MNS1: variants seen among roughly 807,000 people sequenced by gnomAD.
MNS1 encodes the protein meiosis specific nuclear structural 1, also known as meiosis-specific nuclear structural protein 1.
A neutral mutation model predicts 72.0 loss-of-function variants in MNS1; 63 were observed. That is an observed-to-expected ratio of 0.87 (90% confidence interval 0.71 to 1.08). The LOEUF (loss-of-function observed/expected upper bound fraction) is 1.08. Ranked by LOEUF, MNS1 falls within the 50% of genes least tolerant of loss-of-function variation. The pLI is 0.00. For synonymous variants in MNS1, 188 were observed against 172.1 expected (o/e 1.09, Z -0.72); for missense variants, 604 against 562.4 (o/e 1.07, Z -0.75).
chr15:56,431,065 G>A (rs1274933524), intron 9 of MNS1, among the ~76,000 whole-genome samples: 2 of 152,188 alleles, frequency 1.3e-5, no homozygotes, highest in African/African-American at 4.8e-5. Flanking sequence ...GGAGGCTGAA[G>A]CAGGAGAATC....
chr15:56,431,968 C>CTCTT (rs2050609917), intron 8 of MNS1, among the ~76,000 whole-genome samples: 1 of 152,044 alleles, frequency 6.6e-6, no homozygotes, highest in African/African-American at 2.4e-5. Flanking sequence ...AAAGTGCTCA[C>CTCTT]TCTTAAATAA....
At chr15:56,458,770 T>C (rs1203240843) in intron 2 of MNS1, among the ~76,000 whole-genome samples, 1 of 152,102 alleles carries the variant, frequency 6.6e-6, no homozygotes, top group African/African-American at 2.4e-5. Flanking sequence ...TCCACATCTT[T>C]TCATGGCTTC....
rs1301768565 is a variant in MNS1 at position 56,460,008 on chromosome 15, A to AT, written c.226-3488_226-3487insA. 1.2e-3 allele frequency among the ~76,000 whole-genome samples: 69 copies of AT among 55,780 alleles called. 3 individuals carry two copies. The highest frequency in any genetic ancestry group is 5.0e-3 in the East Asian group (7 of 1,404). The allele number at this position is 55,780 out of a possible 152,430, so 36.6% of individuals were successfully genotyped here. On this transcript the variant is annotated intron_variant, in intron 2 of 9. Coordinates refer to ENST00000260453, the MANE Select transcript of MNS1 (RefSeq NM_018365.4). Reference sequence around the variant, plus strand: ...TCTGTCTCAAAAAAAAAAAAAAAAAAAATACATATATATATATATATATAT... The same window carrying AT: ...TCTGTCTCAAAAAAAAAAAAAAAAAATAATACATATATATATATATATATAT...
At position 56,434,157 on chromosome 15, in the gene MNS1, T is replaced by C. The variant is rs944421342; in HGVS notation, c.1250A>G (p.Gln417Arg). Residue 417 changes from glutamine (Q) to arginine (R), a missense_variant, in exon 8 of 10, where the codon CAA (glutamine) becomes CGA (arginine). Transcript: ENST00000260453. ...AVEKLIEERR[Q>R]QFLADKQREL... ...TCTTACTTTGTCTGCAAGGAATTGT[T>C]GGCGACGCTCTTCAATAAGTTTTTC... is the stretch of plus-strand genomic sequence containing the variant. 1.1e-5 allele frequency: 17 copies of C among 1,612,040 alleles called. No individual in the cohort carries two copies. Among genetic ancestry groups the C allele is most frequent in the Non-Finnish European group, 1.4e-5 (17 of 1,179,360 alleles).
chr15:56,429,101 T>A lies in MNS1; in HGVS notation c.1488A>T (p.Ter496CysextTer16). The part of the protein sequence containing the change: ...QQRSEICEEK[*>C] Reference sequence around the variant, plus strand: ...TATGCTTTACCCAATTTTGATGATATCATTTCTCTTCACAAATTTCACTCC... The same window carrying A: ...TATGCTTTACCCAATTTTGATGATAACATTTCTCTTCACAAATTTCACTCC... The change falls in exon 10 of 10, where the codon TGA becomes TGT. Residue 496 changes from the stop codon to cysteine, a stop_lost. Transcript: ENST00000260453. The A allele has an allele frequency of 6.3e-7, 1 of 1,577,388 alleles. No individual in the cohort carries two copies. The highest frequency in any genetic ancestry group is 8.6e-7 in the Non-Finnish European group (1 of 1,157,104).
intron 3 of MNS1, among the ~76,000 whole-genome samples, chr15:56,453,873 G>A (rs905469268): frequency 9.2e-5 from 14 of 151,914 alleles, no homozygotes; most frequent in Admixed American, 7.9e-4. Flanking sequence ...TAAATGTGCC[G>A]TGCATTTAAA....
At chr15:56,459,650 G>C (rs1317737554) in intron 2 of MNS1, among the ~76,000 whole-genome samples, 1 of 152,028 alleles carries the variant, frequency 6.6e-6, no homozygotes, top group Non-Finnish European at 1.5e-5. Flanking sequence ...AGCAAAAAGT[G>C]AAGAATTCTT....
At position 56,460,009 on chromosome 15, in the gene MNS1, A is replaced by AAAAAATAT; in HGVS notation, c.226-3489_226-3488insATATTTTT. ...CTGTCTCAAAAAAAAAAAAAAAAAA[A>AAAAAATAT]ATACATATATATATATATATATATA... On this transcript the variant is annotated intron_variant, in intron 2 of 9. Coordinates refer to ENST00000260453, the MANE Select transcript of MNS1 (RefSeq NM_018365.4). Among the ~76,000 whole-genome samples, 17 of 26,386 alleles carry AAAAAATAT rather than the reference A, an allele frequency of 6.4e-4. 2 individuals are homozygous for AAAAAATAT. The highest frequency in any genetic ancestry group is 2.3e-3 in the East Asian group (2 of 874). 17.3% of individuals were successfully genotyped at this position (26,386 alleles called of 152,430 possible). A position where few individuals can be genotyped will look rare whatever the true frequency, so the allele number is the denominator to read the frequency against.
intron 3 of MNS1, among the ~76,000 whole-genome samples, chr15:56,451,502 G>A (rs1187636759): frequency 1.3e-5 from 2 of 152,104 alleles, no homozygotes; most frequent in African/African-American, 4.8e-5. Context: ...GTTTGTAGTC[G>A]GGGGATGGGC....
chr15:56,434,528 A>C (rs1481003573), intron 7 of MNS1, 133 bp from the exon 8 acceptor site: 1 of 974,262 alleles, frequency 1.0e-6, no homozygotes, highest in Non-Finnish European at 1.5e-6. Flanking sequence ...AAGGCTTTTC[A>C]TGATAACTTT....
chr15:56,463,801 G>A, intron 2 of MNS1: 2 of 456,070 alleles, frequency 4.4e-6, no homozygotes, highest in Non-Finnish European at 7.7e-6. Context: ...AAAAGTAAAA[G>A]CAACTTACTC....
chr15:56,451,596 A>G (rs1057155078), intron 3 of MNS1, among the ~76,000 whole-genome samples: 6 of 152,056 alleles, frequency 3.9e-5, no homozygotes, highest in Non-Finnish European at 8.8e-5. Flanking sequence ...AGTATGTGGT[A>G]TTTTCATTAT....
chr15:56,435,145 G>T (rs1195629163), intron 7 of MNS1, among the ~76,000 whole-genome samples: 1 of 152,036 alleles, frequency 6.6e-6, no homozygotes, highest in Non-Finnish European at 1.5e-5. Context: ...TGCTAAAGCA[G>T]TTCTGAGAAA....
rs185527852 is a variant in MNS1, at chr15:56,430,297, T to G, written c.1395+1076A>C. ...TCATGGGTCACTGCAGCTTCAACTTTCCAGGCTCAAGCAATCTTCCAACCT... is the reference window on the plus strand; with the variant it reads ...TCATGGGTCACTGCAGCTTCAACTTGCCAGGCTCAAGCAATCTTCCAACCT... On this transcript the variant is annotated intron_variant, in intron 9 of 9. Coordinates refer to ENST00000260453, the MANE Select transcript of MNS1 (RefSeq NM_018365.4). Among the ~76,000 whole-genome samples, 165 of 152,270 alleles carry G rather than the reference T, an allele frequency of 1.1e-3. 2 individuals carry two copies. Among genetic ancestry groups the G allele is most frequent in the African/African-American group, 3.7e-3 (154 of 41,564 alleles).
chr15:56,450,301 T>C (rs1270194376), intron 3 of MNS1, among the ~76,000 whole-genome samples: 1 of 151,614 alleles, frequency 6.6e-6, no homozygotes, highest in African/African-American at 2.4e-5. Context: ...CATTTTTAAA[T>C]GTACAACTCA....
chr15:56,438,605 C>T (rs2050767968), intron 7 of MNS1, among the ~76,000 whole-genome samples: 1 of 152,122 alleles, frequency 6.6e-6, no homozygotes, highest in Non-Finnish European at 1.5e-5. Flanking sequence ...ATGTCTAAAA[C>T]ACCAAAAGCA....
chr15:56,429,143 C>A lies in MNS1; in HGVS notation c.1446G>T (p.Arg482Ser). ...TTTCACTCCTTTGTTGATATACTTT[C>A]CTGAACTCTTCACCAAGCAGATCAA... ...DDIDLLGEEF[R>S]KVYQQRSEIC... is the part of the protein sequence containing the mutation. The change falls in exon 10 of 10, where the codon AGG (arginine) becomes AGT (serine). Residue 482 changes from arginine to serine, a missense_variant. Coordinates refer to ENST00000260453, the MANE Select transcript of MNS1 (RefSeq NM_018365.4). 6.2e-7 allele frequency: 1 copy of A among 1,602,960 alleles called. No homozygotes were observed. Among genetic ancestry groups the A allele is most frequent in the Non-Finnish European group, 8.5e-7 (1 of 1,175,714 alleles).
At chr15:56,462,416 A>G (rs2051029388) in intron 2 of MNS1, among the ~76,000 whole-genome samples, 1 of 152,192 alleles carries the variant, frequency 6.6e-6, no homozygotes, top group African/African-American at 2.4e-5. Context: ...ACAATGACAA[A>G]GACAGCATCA....
At chr15:56,461,975 G>GTTGTTTTTTTTTTTTTTTTTTT (rs1555449789) in intron 2 of MNS1, among the ~76,000 whole-genome samples, 2 of 97,912 alleles carry the variant, frequency 2.0e-5, no homozygotes, top group African/African-American at 7.7e-5. Context: ...TTTTGTTGTT[G>GTTGTTTTTTTTTTTTTTTTTTT]TTTTTTTTTT....
Sources: allele counts gnomAD v4.1 joint callset (sites outside exome capture counted in the v4.1 genomes callset), GRCh38; gene constraint gnomAD v4.1.1; transcripts MANE v1.5; gene names NCBI Gene and HGNC (gene_info 2026-07-23, HGNC 2026-07-21).